Variants in KIF2A observed in about 807,000 individuals in gnomAD.
KIF2A encodes the protein kinesin family member 2A, also known as kinesin-like protein KIF2A.
In KIF2A, 22 loss-of-function variants were observed where a neutral mutation model predicts 100.2. That is an observed-to-expected ratio of 0.22 (90% confidence interval 0.16 to 0.31). The LOEUF (loss-of-function observed/expected upper bound fraction) is 0.31, where lower values mean the gene tolerates loss of function less well. Among genes scored for constraint, KIF2A ranks in the 10% least tolerant of loss-of-function variants. The pLI is 1.00. For missense variants in KIF2A, 495 were observed against 898.7 expected, an observed-to-expected ratio of 0.55 and a Z score of 5.74; for synonymous variants, 268 against 285.9, an observed-to-expected ratio of 0.94 and a Z score of 0.63.
intron 20 of KIF2A, among the ~76,000 whole-genome samples, chr5:62,383,227 AGAT>A: frequency 9.5e-6 from 1 of 104,730 alleles, no homozygotes; most frequent in East Asian, 3.3e-4. Context: ...ATGCCTGGCC[AGAT>A]TTTTTTTTTT....
chr5:62,328,424 G>A (rs1746481890), intron 1 of KIF2A, among the ~76,000 whole-genome samples: 2 of 151,272 alleles, frequency 1.3e-5, no homozygotes, highest in African/African-American at 4.9e-5. Context: ...AGTGGTTTTG[G>A]ACGGTGTTTT....
chr5:62,311,033 A>G (rs2111769297), intron 1 of KIF2A, among the ~76,000 whole-genome samples: 1 of 152,316 alleles, frequency 6.6e-6, no homozygotes, highest in East Asian at 1.9e-4. Context: ...GTATTGATAC[A>G]TGTAATCTGA....
At chr5:62,351,041 G>A (rs1361977397) in intron 4 of KIF2A, among the ~76,000 whole-genome samples, 7 of 151,968 alleles carry the variant, frequency 4.6e-5, no homozygotes. Flanking sequence ...AGACCAGCCT[G>A]GCCAACATGA....
chr5:62,314,578 T>C (rs1183672897), intron 1 of KIF2A, among the ~76,000 whole-genome samples: 1 of 152,134 alleles, frequency 6.6e-6, no homozygotes, highest in East Asian at 1.9e-4. Context: ...GCCCGGGAAC[T>C]GTAAGAATCA....
chr5:62,325,186 G>A (rs770923418), intron 1 of KIF2A, among the ~76,000 whole-genome samples: 8 of 152,010 alleles, frequency 5.3e-5, no homozygotes, highest in East Asian at 1.9e-4. Context: ...GTGCAGTGGC[G>A]TGATCTCGGC....
Position 62,363,267 on chromosome 5 carries a change from G to A in KIF2A, c.1209G>A (p.Glu403=). Residue 403 remains glutamate (E), a synonymous_variant, in exon 13 of 21, where the codon GAG becomes GAA. Transcript: ENST00000407818. ...AAGTGGTGGGATTACAGGAACGGGA[G>A]GTCAAATGTGTTGAAGATGTACTGA... ...QVQVVGLQER[E]VKCVEDVLKL... 1.2e-6 allele frequency: 2 copies of A among 1,613,638 alleles called. No homozygotes were observed. The highest frequency in any genetic ancestry group is 1.7e-6 in the Non-Finnish European group (2 of 1,179,632).
Position 62,372,569 on chromosome 5 carries a change from C to CAA in KIF2A, c.1760+19_1760+20insAA. 1 of 1,280,184 alleles carries CAA rather than the reference C, an allele frequency of 7.8e-7. No individual in the cohort carries two copies. Among genetic ancestry groups the CAA allele is most frequent in the Non-Finnish European group, 1.1e-6 (1 of 887,440 alleles). 79.3% of individuals were successfully genotyped at this position (1,280,184 alleles called of 1,614,324 possible). ...GTTACCAGGTCTACTTCATTCTATACATAAGATGTTTATTTGTATACTTTC... is the reference window on the plus strand; with the variant it reads ...GTTACCAGGTCTACTTCATTCTATACAAATAAGATGTTTATTTGTATACTTTC... On this transcript the variant is annotated intron_variant, in intron 17 of 20. Transcript: ENST00000407818.
rs1391696801 is a variant in KIF2A at position 62,389,536 on chromosome 5, G to A, written c.*3967G>A. Among the ~76,000 whole-genome samples the A allele has an allele frequency of 6.8e-6, 1 of 147,126 alleles. No individual in the cohort carries two copies. The highest frequency in any genetic ancestry group is 1.5e-5 in the Non-Finnish European group (1 of 67,096). On this transcript the variant is annotated 3_prime_UTR_variant, in exon 21 of 21. Coordinates refer to ENST00000407818, the MANE Select transcript of KIF2A (RefSeq NM_001098511.3). ...TTGTCTGACTAAATTTATAAGATAT[G>A]TATTGGTTAAAACCATGCCATGTTG...
intron 14 of KIF2A, 53 bp downstream of exon 14, chr5:62,363,952 TCTTTA>T: frequency 7.0e-7 from 1 of 1,431,030 alleles, no homozygotes; most frequent in South Asian, 1.3e-5. Flanking sequence ...ACTTTAATTT[TCTTTA>T]CTCAGTTGCA....
At chr5:62,338,382 G>A (rs1459556581) in intron 1 of KIF2A, among the ~76,000 whole-genome samples, 5 of 152,070 alleles carry the variant, frequency 3.3e-5, no homozygotes, top group Non-Finnish European at 5.9e-5. Flanking sequence ...TCTGCCTCCC[G>A]GGCTCAAGCA....
chr5:62,345,211 A>T (rs537152633), intron 1 of KIF2A, among the ~76,000 whole-genome samples: 3 of 152,150 alleles, frequency 2.0e-5, no homozygotes, highest in African/African-American at 7.2e-5. Flanking sequence ...AACATGGTGA[A>T]ACCCCGTCTC....
At chr5:62,357,620 T>C (rs1291588594) in intron 7 of KIF2A, 71 bp from the exon 8 acceptor site, 6 of 750,924 alleles carry the variant, frequency 8.0e-6, no homozygotes, top group Non-Finnish European at 1.3e-5. Context: ...GGAGGAAATA[T>C]TACATAATTT....
rs990153249 is a variant in KIF2A at position 62,389,712 on chromosome 5, C to T, written c.*4143C>T. Among the ~76,000 whole-genome samples, 4 of 152,064 alleles carry T rather than the reference C, an allele frequency of 2.6e-5. No individual in the cohort carries two copies. The highest frequency in any genetic ancestry group is 9.7e-5 in the African/African-American group (4 of 41,398). Reference sequence around the variant, plus strand: ...GAATTGGCAGAAGTCAGATGAAAAACCAATCTTACATGCCCCTTCTTCCTC... The same window carrying T: ...GAATTGGCAGAAGTCAGATGAAAAATCAATCTTACATGCCCCTTCTTCCTC... On this transcript the variant is annotated 3_prime_UTR_variant, in exon 21 of 21. Transcript: ENST00000407818.
intron 1 of KIF2A, among the ~76,000 whole-genome samples, chr5:62,309,046 GTA>G (rs1262468742): frequency 3.3e-5 from 5 of 152,104 alleles, no homozygotes; most frequent in Non-Finnish European, 7.4e-5. Context: ...AATAAAATGT[GTA>G]AATTCTTTAC....
Position 62,389,647 on chromosome 5 carries a change from C to T in KIF2A, c.*4078C>T, listed in dbSNP as rs749458979. Reference sequence around the variant, plus strand: ...TCATTATCCCAGGCCTAAGAACTCACTGGCATTTGTTTCAAGGTAACTGAA... The same window carrying T: ...TCATTATCCCAGGCCTAAGAACTCATTGGCATTTGTTTCAAGGTAACTGAA... On this transcript the variant is annotated 3_prime_UTR_variant, in exon 21 of 21. Transcript: ENST00000407818. Among the ~76,000 whole-genome samples the T allele has an allele frequency of 6.6e-6, 1 of 152,110 alleles. No individual in the cohort carries two copies.
intron 16 of KIF2A, among the ~76,000 whole-genome samples, chr5:62,372,139 G>T (rs900924018): frequency 2.0e-5 from 3 of 152,166 alleles, no homozygotes; most frequent in Non-Finnish European, 4.4e-5. Context: ...TGGTCATGTA[G>T]TTAGGGGGGC....
Position 62,358,278 on chromosome 5 carries a change from C to T in KIF2A, c.851C>T (p.Ala284Val). The change falls in exon 9 of 21, where the codon GCT (alanine) becomes GTT (valine). Residue 284 changes from alanine to valine, a missense_variant. Around this residue, in one of 10 missense-constraint regions of KIF2A, gnomAD observed 109 missense variants for 244.2 expected, o/e 0.45. Coordinates refer to ENST00000407818, the MANE Select transcript of KIF2A (RefSeq NM_001098511.3). ...TTTGATTATGCCTTTGATGACTCAG[C>T]TCCTAATGAAATGGTTTACAGGTAG... ...FRFDYAFDDS[A>V]PNEMVYRFTA... 1 of 1,583,464 alleles carries T rather than the reference C, an allele frequency of 6.3e-7. No individual in the cohort carries two copies. Among genetic ancestry groups the T allele is most frequent in the East Asian group, 2.3e-5 (1 of 43,956 alleles).
At chr5:62,378,782 G>A (rs976056143) in intron 19 of KIF2A, among the ~76,000 whole-genome samples, 20 of 151,998 alleles carry the variant, frequency 1.3e-4, no homozygotes, top group Admixed American at 7.9e-4. Context: ...GCTGGGTGAG[G>A]TATAGCATGC....
Position 62,385,502 on chromosome 5 carries a change from G to C in KIF2A, c.2168G>C (p.Arg723Pro). 6.3e-7 allele frequency: 1 copy of C among 1,587,668 alleles called. No individual in the cohort carries two copies. The highest frequency in any genetic ancestry group is 8.6e-7 in the Non-Finnish European group (1 of 1,166,598). ...TTCCAAGATAAAGTGAAATCTTTCC[G>C]TGCAGCTCTACAAGAGGAGGAACAA... The part of the protein sequence containing the change: ...TELRDKVKSF[R>P]AALQEEEQAS... The change falls in exon 21 of 21, where the codon CGT (arginine) becomes CCT (proline). Residue 723 changes from arginine (R) to proline (P), a missense_variant. Transcript: ENST00000407818.
Sources: gnomAD v4.1 joint callset for allele counts (sites outside exome capture counted in the v4.1 genomes callset) on GRCh38, gnomAD v4.1.1 for gene constraint, gnomAD v4.1.1 regional missense constraint, MANE v1.5 for transcripts, NCBI Gene and HGNC (gene_info 2026-07-23, HGNC 2026-07-21) for gene names.